Variants in RNF216 observed in about 807,000 individuals in gnomAD.
RNF216 encodes the protein E3 ubiquitin-protein ligase RNF216.
A neutral mutation model predicts 110.8 loss-of-function variants in RNF216; 72 were observed. The observed-to-expected ratio is 0.65, with a 90% CI of 0.54 to 0.79. The LOEUF (loss-of-function observed/expected upper bound fraction) is 0.79, where lower values mean the gene tolerates loss of function less well. Ranked by LOEUF, RNF216 falls within the 30% of genes least tolerant of loss-of-function variation. The pLI is 0.00. For missense variants in RNF216, 1,342 were observed against 1,141.2 expected (o/e 1.18, Z -2.54); for synonymous variants, 495 against 407.5 (o/e 1.21, Z -2.59).
At chr7:5,639,291 T>C (rs1787587849) in intron 15 of RNF216, among the ~76,000 whole-genome samples, 1 of 152,194 alleles carries the variant, frequency 6.6e-6, no homozygotes, top group African/African-American at 2.4e-5. Context: ...GGCTATGATC[T>C]AGGGGTGGCA....
At chr7:5,722,515 C>T (rs1452137606) in intron 8 of RNF216, among the ~76,000 whole-genome samples, 3 of 151,520 alleles carry the variant, frequency 2.0e-5, no homozygotes, top group Admixed American at 6.6e-5. Context: ...CTCAGCCTCC[C>T]GAGTAGCTGG....
chr7:5,754,097 CTGTAA>C (rs1012648430), intron 2 of RNF216, among the ~76,000 whole-genome samples: 5 of 150,458 alleles, frequency 3.3e-5, no homozygotes, highest in African/African-American at 1.2e-4. Context: ...TCCATTAAAG[CTGTAA>C]TGTTTTTCTT....
chr7:5,780,754 T>C (rs1010314412), intron 1 of RNF216, among the ~76,000 whole-genome samples: 6 of 151,994 alleles, frequency 3.9e-5, no homozygotes, highest in African/African-American at 1.5e-4. Context: ...ACGTTCTCTT[T>C]GCACGATCTA....
chr7:5,763,758 A>C (rs1002863688), intron 1 of RNF216, among the ~76,000 whole-genome samples: 3 of 152,122 alleles, frequency 2.0e-5, no homozygotes, highest in Non-Finnish European at 4.4e-5. Context: ...TTTTTTGTAG[A>C]GACAGGGTCT....
intron 5 of RNF216, among the ~76,000 whole-genome samples, chr7:5,738,500 A>G (rs1794566653): frequency 1.3e-5 from 2 of 152,066 alleles, no homozygotes; most frequent in African/African-American, 4.8e-5. Context: ...CGAGGTCAGG[A>G]GATCGAGACC....
chr7:5,761,890 C>G (rs1244553867), intron 1 of RNF216, among the ~76,000 whole-genome samples: 1 of 152,004 alleles, frequency 6.6e-6, no homozygotes, highest in Non-Finnish European at 1.5e-5. Context: ...TGAAGAGTAA[C>G]TTGGAAAAGA....
At chr7:5,745,929 T>C (rs1330801414) in intron 3 of RNF216, among the ~76,000 whole-genome samples, 1 of 151,428 alleles carries the variant, frequency 6.6e-6, no homozygotes, top group Non-Finnish European at 1.5e-5. Context: ...CGAGAACACT[T>C]ACTCTCCATT....
chr7:5,644,560 C>T (rs921836709), intron 14 of RNF216, among the ~76,000 whole-genome samples: 3 of 151,408 alleles, frequency 2.0e-5, no homozygotes, highest in African/African-American at 7.3e-5. Context: ...GGCTGGAGTG[C>T]AGTAGTGTAA....
chr7:5,739,422 A>G, intron 4 of RNF216, 70 bp from the exon 5 acceptor site: 1 of 1,452,000 alleles, frequency 6.9e-7, no homozygotes, highest in South Asian at 1.2e-5. Context: ...TACAAGACAG[A>G]TGGCAAAAAG....
At chr7:5,637,067 G>A (rs1192999584) in intron 15 of RNF216, among the ~76,000 whole-genome samples, 1 of 152,116 alleles carries the variant, frequency 6.6e-6, no homozygotes, top group Non-Finnish European at 1.5e-5. Flanking sequence ...TACTGCCTGT[G>A]GAGCTCTTCA....
intron 12 of RNF216, 182 bp from the exon 13 acceptor site, chr7:5,712,021 A>C: frequency 1.7e-6 from 1 of 592,718 alleles, no homozygotes; most frequent in Non-Finnish European, 3.0e-6. Flanking sequence ...TCTTATCAGG[A>C]AACATAAGCA....
chr7:5,720,915 C>T, intron 9 of RNF216, 118 bp downstream of exon 9: 1 of 973,302 alleles, frequency 1.0e-6, no homozygotes, highest in East Asian at 2.5e-5. Context: ...TTGCATATAT[C>T]CAAATTTAAC....
At chr7:5,663,010 G>C (rs954644989) in intron 13 of RNF216, among the ~76,000 whole-genome samples, 11 of 152,140 alleles carry the variant, frequency 7.2e-5, no homozygotes, top group Admixed American at 6.5e-4. Context: ...TTTTGCCTAA[G>C]AATATCTCTT....
intron 13 of RNF216, among the ~76,000 whole-genome samples, chr7:5,691,129 C>CT (rs1484236213): frequency 6.6e-6 from 1 of 152,190 alleles, no homozygotes; most frequent in Non-Finnish European, 1.5e-5. Flanking sequence ...ACCCATTTCT[C>CT]TAACCGTGTG....
intron 15 of RNF216, among the ~76,000 whole-genome samples, chr7:5,627,019 T>G (rs1307567625): frequency 6.6e-6 from 1 of 152,140 alleles, no homozygotes; most frequent in Non-Finnish European, 1.5e-5. Flanking sequence ...CAACCACCAC[T>G]CTGCCTCACC....
chr7:5,687,394 CA>C (rs372177142), intron 13 of RNF216, among the ~76,000 whole-genome samples: 118 of 49,918 alleles, frequency 2.4e-3, no homozygotes, highest in Middle Eastern at 9.8e-3. Context: ...AACTCCACCT[CA>C]AAAAAAAAAA....
At position 5,624,250 on chromosome 7, in the gene RNF216, G is replaced by A; in HGVS notation, c.2383-125C>T. The stretch of plus-strand genomic sequence containing the variant: ...CAAGCCCGAAGCCTGCTGCTGGCCA[G>A]TGGGGCCTGGGCTGCACACCGTTCC... On this transcript the variant is annotated intron_variant, in intron 15 of 16. Transcript: ENST00000389902. This position sits in a 1 kb window ranked among gnomAD's most constrained non-coding sequence, Gnocchi z 4.4. 1.4e-6 allele frequency: 1 copy of A among 736,472 alleles called. No individual in the cohort carries two copies. The highest frequency in any genetic ancestry group is 2.6e-5 in the East Asian group (1 of 37,786). The allele number at this position is 736,472 out of a possible 1,614,324, so 45.6% of individuals were successfully genotyped here.
intron 13 of RNF216, among the ~76,000 whole-genome samples, chr7:5,676,607 G>C (rs916605531): frequency 6.6e-6 from 1 of 152,164 alleles, no homozygotes; most frequent in Non-Finnish European, 1.5e-5. Context: ...GCACACAAAA[G>C]ATACCTGGAC....
intron 1 of RNF216, among the ~76,000 whole-genome samples, chr7:5,772,604 G>A (rs1422749005): frequency 6.6e-6 from 1 of 151,946 alleles, no homozygotes; most frequent in African/African-American, 2.4e-5. Flanking sequence ...GCCCCAGATC[G>A]GGGCTTCTCA....
Sources: allele counts gnomAD v4.1 joint callset (sites outside exome capture counted in the v4.1 genomes callset), GRCh38; gene constraint gnomAD v4.1.1; non-coding constraint Gnocchi (gnomAD v3.1); transcripts MANE v1.5; gene names NCBI Gene and HGNC (gene_info 2026-07-23, HGNC 2026-07-21).